PERP: variants seen among roughly 807,000 people sequenced by gnomAD.
PERP encodes p53 apoptosis effector related to PMP-22.
In PERP, 11 loss-of-function variants were observed where a neutral mutation model predicts 20.3. The ratio of observed to expected loss-of-function variants is 0.54; its 90% confidence interval spans 0.34 to 0.90. The LOEUF is 0.90. PERP is among the 40% of genes least tolerant of loss of function. PERP has a pLI of 0.02. For synonymous variants in PERP, 101 were observed against 102.0 expected (o/e 0.99, Z 0.06); for missense variants, 224 against 249.4 (o/e 0.90, Z 0.69).
chr6:138,106,049 CAAAT>C (rs1775835635), intron 1 of PERP, among the ~76,000 whole-genome samples: 1 of 152,040 alleles, frequency 6.6e-6, no homozygotes, highest in Non-Finnish European at 1.5e-5. Flanking sequence ...CCCGGAAACA[CAAAT>C]AAACAGGATT....
intron 1 of PERP, among the ~76,000 whole-genome samples, chr6:138,099,163 A>G (rs1449620229): frequency 2.0e-5 from 3 of 152,244 alleles, no homozygotes; most frequent in African/African-American, 7.2e-5. Context: ...GACCTATGGA[A>G]TCAGAGCTTG....
chr6:138,106,423 C>A (rs757647602), intron 1 of PERP, among the ~76,000 whole-genome samples: 2 of 152,214 alleles, frequency 1.3e-5, no homozygotes, highest in Non-Finnish European at 2.9e-5. Flanking sequence ...ACTTCACCTG[C>A]TAGGTACATT....
intron 1 of PERP, among the ~76,000 whole-genome samples, chr6:138,099,953 G>T (rs2114339243): frequency 6.6e-6 from 1 of 152,296 alleles, no homozygotes. Flanking sequence ...ATTTTGTCTT[G>T]AGAAAGACTG....
At chr6:138,105,101 T>A (rs1775823814) in intron 1 of PERP, among the ~76,000 whole-genome samples, 1 of 152,240 alleles carries the variant, frequency 6.6e-6, no homozygotes, top group Non-Finnish European at 1.5e-5. Context: ...GGATCCCAGA[T>A]TCATGATTTG....
intron 2 of PERP, 96 bp from the exon 3 acceptor site, chr6:138,092,364 T>G: frequency 1.8e-6 from 2 of 1,112,444 alleles, no homozygotes; most frequent in Non-Finnish European, 2.6e-6. Flanking sequence ...ACCAAGTTTC[T>G]GCCTTGAAAT....
intron 2 of PERP, 95 bp downstream of exon 2, chr6:138,096,259 C>G: frequency 6.9e-7 from 1 of 1,439,082 alleles, no homozygotes; most frequent in Non-Finnish European, 9.4e-7. Flanking sequence ...AGATTAGAAA[C>G]TGTAACAGTC....
In PERP at chr6:138,091,964, A is replaced by C; in HGVS notation, c.*78T>G. On this transcript the variant is annotated 3_prime_UTR_variant, in exon 3 of 3. Transcript: ENST00000421351. ...ATGAACACTGCCAAAAAATGGGTTC[A>C]AAGTCGCCTGGAGAAACAGTTTCTT... is the stretch of plus-strand genomic sequence containing the variant. 7.2e-7 allele frequency: 1 copy of C among 1,397,188 alleles called. No individual in the cohort carries two copies. The highest frequency in any genetic ancestry group is 9.8e-7 in the Non-Finnish European group (1 of 1,022,640). 86.5% of individuals were successfully genotyped at this position (1,397,188 alleles called of 1,614,324 possible). A position where few individuals can be genotyped will look rare whatever the true frequency, so the allele number is the denominator to read the frequency against.
chr6:138,096,808 G>A (rs965100441), intron 1 of PERP, among the ~76,000 whole-genome samples: 9 of 152,060 alleles, frequency 5.9e-5, no homozygotes, highest in East Asian at 3.9e-4. Flanking sequence ...GCCACATAAC[G>A]GGTATATTTA....
At chr6:138,103,921 C>G (rs1304504157) in intron 1 of PERP, among the ~76,000 whole-genome samples, 1 of 152,188 alleles carries the variant, frequency 6.6e-6, no homozygotes, top group East Asian at 1.9e-4. Flanking sequence ...GATGCATTTA[C>G]AGTATGCAAA....
intron 1 of PERP, among the ~76,000 whole-genome samples, chr6:138,098,689 T>C (rs188085610): frequency 1.4e-3 from 219 of 152,342 alleles, no homozygotes; most frequent in Non-Finnish European, 2.2e-3. Flanking sequence ...CCCATGCACC[T>C]TCCAGGTCTT....
chr6:138,104,694 A>G (rs1033446424), intron 1 of PERP, among the ~76,000 whole-genome samples: 1 of 152,250 alleles, frequency 6.6e-6, no homozygotes, highest in African/African-American at 2.4e-5. Flanking sequence ...AAGTTTTTCA[A>G]AGTGGATGTA....
At position 138,091,869 on chromosome 6, in the gene PERP, T is replaced by A. The variant is rs1562322619; in HGVS notation, c.*173A>T. The A allele has an allele frequency of 1.7e-6, 1 of 586,680 alleles. No individual in the cohort carries two copies. Among genetic ancestry groups the A allele is most frequent in the African/African-American group, 1.9e-5 (1 of 53,698 alleles). 36.3% of individuals were successfully genotyped at this position (586,680 alleles called of 1,614,324 possible). A position where few individuals can be genotyped will look rare whatever the true frequency, so the allele number is the denominator to read the frequency against. ...CACAAAACATAATAAAAGATAAACATGAAACTATAACACTACTTAAAAAAT... is the reference window on the plus strand; with the variant it reads ...CACAAAACATAATAAAAGATAAACAAGAAACTATAACACTACTTAAAAAAT... On this transcript the variant is annotated 3_prime_UTR_variant, in exon 3 of 3. Coordinates refer to ENST00000421351, the MANE Select transcript of PERP (RefSeq NM_022121.5).
chr6:138,099,256 T>G (rs1391055648), intron 1 of PERP, among the ~76,000 whole-genome samples: 2 of 152,238 alleles, frequency 1.3e-5, no homozygotes, highest in Non-Finnish European at 2.9e-5. Flanking sequence ...ATTAAAGTCC[T>G]TATTAAAACA....
chr6:138,098,253 C>T (rs1307890954), intron 1 of PERP, among the ~76,000 whole-genome samples: 1 of 152,170 alleles, frequency 6.6e-6, no homozygotes, highest in Non-Finnish European at 1.5e-5. Flanking sequence ...TGTGACGCAG[C>T]ACAGCTGACA....
intron 2 of PERP, among the ~76,000 whole-genome samples, chr6:138,095,146 C>T (rs2114332630): frequency 6.6e-6 from 1 of 152,286 alleles, no homozygotes; most frequent in Admixed American, 6.5e-5. Flanking sequence ...CAAAAATAAT[C>T]AAGTAGAAAT....
At chr6:138,093,511 C>T (rs897538029) in intron 2 of PERP, among the ~76,000 whole-genome samples, 9 of 152,108 alleles carry the variant, frequency 5.9e-5, no homozygotes, top group Non-Finnish European at 1.2e-4. Flanking sequence ...AAATCTTAAA[C>T]ATTTATCTAC....
rs530720556 is a variant in PERP, at chr6:138,089,797, C to A, written c.*2245G>T. 44 of 152,278 alleles carry A rather than the reference C, an allele frequency of 2.9e-4. No homozygotes were observed. The highest frequency in any genetic ancestry group is 1.0e-3 in the African/African-American group (43 of 41,540). 9.4% of individuals were successfully genotyped at this position (152,278 alleles called of 1,614,324 possible). A position where few individuals can be genotyped will look rare whatever the true frequency, so the allele number is the denominator to read the frequency against. ...CCATTTCTGCAAAATAAGAGTTTATCTTTGTCATAAATACTTTAGGTTGAC... is the reference window on the plus strand; with the variant it reads ...CCATTTCTGCAAAATAAGAGTTTATATTTGTCATAAATACTTTAGGTTGAC... On this transcript the variant is annotated 3_prime_UTR_variant, in exon 3 of 3. Coordinates refer to ENST00000421351, the MANE Select transcript of PERP (RefSeq NM_022121.5).
At position 138,104,978 on chromosome 6, in the gene PERP, G is replaced by A. The variant is rs182456755; in HGVS notation, c.214+2149C>T. ...ATTGTGAGGCAAAACTAGACAATGT[G>A]CATGCAGGCGATGAGACAGACGTAT... On this transcript the variant is annotated intron_variant, in intron 1 of 2. Coordinates refer to ENST00000421351, the MANE Select transcript of PERP (RefSeq NM_022121.5). Among the ~76,000 whole-genome samples the A allele has an allele frequency of 1.8e-4, 28 of 152,184 alleles. No homozygotes were observed. The South Asian group carries it at 5.4e-3, about 29-fold the overall frequency.
intron 2 of PERP, among the ~76,000 whole-genome samples, chr6:138,092,584 C>T (rs1775606997): frequency 1.3e-5 from 2 of 152,112 alleles, no homozygotes; most frequent in Admixed American, 6.5e-5. Flanking sequence ...AAAACTGTGG[C>T]ATACAATAGA....
Sources: allele counts gnomAD v4.1 joint callset (sites outside exome capture counted in the v4.1 genomes callset), GRCh38; gene constraint gnomAD v4.1.1; transcripts MANE v1.5; gene names NCBI Gene and HGNC (gene_info 2026-07-23, HGNC 2026-07-21).